The following CCBE1 variants were observed in gnomAD, a reference collection of about 807,000 sequenced individuals.
CCBE1 encodes collagen and calcium-binding EGF domain-containing protein 1.
CCBE1 carries 37 observed loss-of-function variants against 50.0 expected under a neutral mutation model. That is an observed-to-expected ratio of 0.74 (90% CI 0.57 to 0.97). CCBE1 has a LOEUF of 0.97. Ranked by LOEUF, CCBE1 falls within the 50% of genes least tolerant of loss-of-function variation. CCBE1 has a pLI of 0.00. For synonymous variants in CCBE1, 234 were observed against 203.7 expected, an observed-to-expected ratio of 1.15 and a Z score of -1.27; for missense variants, 538 against 523.8, an observed-to-expected ratio of 1.03 and a Z score of -0.26.
At chr18:59,526,743 T>C (rs2144341488) in intron 2 of CCBE1, among the ~76,000 whole-genome samples, 1 of 152,344 alleles carries the variant, frequency 6.6e-6, no homozygotes, top group East Asian at 1.9e-4. Context: ...AACTTCTCGA[T>C]TTCTGCTTTA....
In CCBE1 at chr18:59,696,348, A is replaced by G. The variant is rs565146438; in HGVS notation, c.212+281T>C. 4.5e-6 allele frequency: 3 copies of G among 663,444 alleles called. No individual in the cohort carries two copies. The African/African-American group carries it at 5.7e-5, about 13-fold the overall frequency. The allele number at this position is 663,444 out of a possible 1,614,324, so 41.1% of individuals were successfully genotyped here. A position where few individuals can be genotyped will look rare whatever the true frequency, so the allele number is the denominator to read the frequency against. ...ACTGTTTACACCCAAAATCCAATCC[A>G]ATCTCCTTCACAGACTTCCACACAA... is the stretch of plus-strand genomic sequence containing the variant. On this transcript the variant is annotated intron_variant, in intron 2 of 10. Coordinates refer to ENST00000439986, the MANE Select transcript of CCBE1 (RefSeq NM_133459.4).
chr18:59,496,399 T>C (rs932303119), intron 2 of CCBE1, among the ~76,000 whole-genome samples: 1 of 152,182 alleles, frequency 6.6e-6, no homozygotes, highest in Non-Finnish European at 1.5e-5. Flanking sequence ...AGATATTATT[T>C]ATAAAAATAA....
intron 2 of CCBE1, among the ~76,000 whole-genome samples, chr18:59,499,021 G>A (rs1444486): frequency 0.35 from 52,844 of 152,062 alleles, 10,547 homozygotes; most frequent in African/African-American, 0.55. Context: ...GTGATTAAAC[G>A]ATATATGTAA....
At chr18:59,577,167 A>C (rs924388339) in intron 2 of CCBE1, among the ~76,000 whole-genome samples, 3 of 152,192 alleles carry the variant, frequency 2.0e-5, no homozygotes, top group Non-Finnish European at 4.4e-5. Context: ...GAAAATAGGA[A>C]AGGGATGGCG....
intron 2 of CCBE1, among the ~76,000 whole-genome samples, chr18:59,519,104 G>A (rs191826710): frequency 6.6e-6 from 1 of 152,202 alleles, no homozygotes; most frequent in Non-Finnish European, 1.5e-5. Context: ...GGTTTCCAGG[G>A]AAACCCAAAC....
chr18:59,576,341 A>C (rs1208739837), intron 2 of CCBE1, among the ~76,000 whole-genome samples: 1 of 152,224 alleles, frequency 6.6e-6, no homozygotes, highest in African/African-American at 2.4e-5. Context: ...TCATAAGAGA[A>C]TATCAGTGTT....
intron 2 of CCBE1, among the ~76,000 whole-genome samples, chr18:59,492,797 T>C (rs192594615): frequency 6.6e-6 from 1 of 152,360 alleles, no homozygotes; most frequent in Admixed American, 6.5e-5. Flanking sequence ...GCAGAGTCAG[T>C]GCACCTAAAG....
At chr18:59,684,438 G>A (rs2054631819) in intron 2 of CCBE1, among the ~76,000 whole-genome samples, 1 of 152,014 alleles carries the variant, frequency 6.6e-6, no homozygotes, top group African/African-American at 2.4e-5. Context: ...GATAGAGTGG[G>A]ACTCTGTCTC....
At chr18:59,592,394 T>C (rs1017917341) in intron 2 of CCBE1, among the ~76,000 whole-genome samples, 2 of 152,238 alleles carry the variant, frequency 1.3e-5, no homozygotes, top group Admixed American at 1.3e-4. Flanking sequence ...AAAACTTTTC[T>C]GGTTCTAAGC....
At chr18:59,669,062 G>C (rs1444308440) in intron 2 of CCBE1, among the ~76,000 whole-genome samples, 1 of 151,864 alleles carries the variant, frequency 6.6e-6, no homozygotes, top group Non-Finnish European at 1.5e-5. Context: ...TTGAACTCCT[G>C]TGACCTCAAG....
chr18:59,600,718 G>C (rs1157161342), intron 2 of CCBE1, among the ~76,000 whole-genome samples: 1 of 152,076 alleles, frequency 6.6e-6, no homozygotes. Context: ...ATCTCCTCCT[G>C]CCCACTGGGG....
intron 2 of CCBE1, among the ~76,000 whole-genome samples, chr18:59,519,833 T>G (rs1914523847): frequency 6.6e-6 from 1 of 152,234 alleles, no homozygotes; most frequent in Non-Finnish European, 1.5e-5. Flanking sequence ...TAGTCCATCT[T>G]GAATTAATTT....
At chr18:59,506,217 T>C (rs944533702) in intron 2 of CCBE1, among the ~76,000 whole-genome samples, 3 of 151,972 alleles carry the variant, frequency 2.0e-5, no homozygotes, top group African/African-American at 4.8e-5. Context: ...GAGGCAGAGA[T>C]TGGAGTGACA....
At chr18:59,501,120 A>T (rs980584124) in intron 2 of CCBE1, among the ~76,000 whole-genome samples, 1 of 152,226 alleles carries the variant, frequency 6.6e-6, no homozygotes, top group Non-Finnish European at 1.5e-5. Context: ...ATAGCTGCTC[A>T]TTGAAGAGAT....
intron 2 of CCBE1, among the ~76,000 whole-genome samples, chr18:59,645,573 C>T (rs980447780): frequency 3.9e-5 from 6 of 152,206 alleles, no homozygotes; most frequent in African/African-American, 1.2e-4. Flanking sequence ...GAGAAACCTA[C>T]ATTAAGATGT....
intron 2 of CCBE1, among the ~76,000 whole-genome samples, chr18:59,651,266 C>G (rs185786674): frequency 1.6e-4 from 24 of 152,338 alleles, no homozygotes; most frequent in Admixed American, 1.5e-3. Context: ...CAAGTTGACA[C>G]ACATGAGTTG....
intron 2 of CCBE1, among the ~76,000 whole-genome samples, chr18:59,539,819 G>A (rs34581296): frequency 0.068 from 10,304 of 152,070 alleles, 514 homozygotes; most frequent in East Asian, 0.16. Flanking sequence ...ATTTTCAATT[G>A]GTCATGTTTT....
intron 4 of CCBE1, among the ~76,000 whole-genome samples, chr18:59,467,433 A>G (rs1455119275): frequency 1.3e-5 from 2 of 152,152 alleles, no homozygotes; most frequent in Non-Finnish European, 2.9e-5. Context: ...GGGAAAAGAT[A>G]CTTCTAATAA....
At chr18:59,510,971 A>G (rs1914107446) in intron 2 of CCBE1, among the ~76,000 whole-genome samples, 1 of 152,138 alleles carries the variant, frequency 6.6e-6, no homozygotes, top group Non-Finnish European at 1.5e-5. Flanking sequence ...GGTGAGAGCT[A>G]CCAGTCATTA....
Sources: gnomAD v4.1 joint callset for allele counts (sites outside exome capture counted in the v4.1 genomes callset) on GRCh38, gnomAD v4.1.1 for gene constraint, MANE v1.5 for transcripts, NCBI Gene and HGNC (gene_info 2026-07-23, HGNC 2026-07-21) for gene names.